Variants in CCDC171 observed in about 807,000 individuals in gnomAD.
CCDC171 encodes the protein coiled-coil domain-containing protein 171.
In CCDC171, 177 loss-of-function variants were observed where a neutral mutation model predicts 168.2. That is an observed-to-expected ratio of 1.05 (90% CI 0.93 to 1.19). CCDC171 has a LOEUF of 1.19. Ranked by LOEUF, CCDC171 falls within the 50% of genes most tolerant of loss-of-function variation. CCDC171 has a pLI of 0.00. For missense variants in CCDC171, 1,991 were observed against 1,539.0 expected (o/e 1.29, Z -4.91); for synonymous variants, 687 against 540.8 (o/e 1.27, Z -3.75).
At chr9:15,628,465 G>A (rs1379456896) in intron 7 of CCDC171, among the ~76,000 whole-genome samples, 4 of 152,200 alleles carry the variant, frequency 2.6e-5, no homozygotes, top group East Asian at 1.9e-4. Context: ...AGGCGGCAGC[G>A]AGGCTAGGGG....
At chr9:15,661,946 G>T (rs1048325017) in intron 8 of CCDC171, among the ~76,000 whole-genome samples, 1 of 152,310 alleles carries the variant, frequency 6.6e-6, no homozygotes, top group East Asian at 1.9e-4. Context: ...AAATCGAGTT[G>T]TATCTACCTA....
intron 3 of CCDC171, among the ~76,000 whole-genome samples, chr9:16,011,054 A>G (rs2132985444): frequency 6.6e-6 from 1 of 152,330 alleles, no homozygotes; most frequent in Non-Finnish European, 1.5e-5. Context: ...GAGTGTATGT[A>G]AAGCAAGAGG....
upstream of CCDC171, among the ~76,000 whole-genome samples, chr9:16,041,148 G>T (rs994882831): frequency 1.3e-5 from 2 of 152,190 alleles, no homozygotes; most frequent in Admixed American, 6.5e-5. Context: ...GCAGCACTAG[G>T]TGAGTAAGCA....
the CCDC171 span, among the ~76,000 whole-genome samples, chr9:16,100,595 TAGTG>T: frequency 1.1e-3 from 164 of 152,344 alleles, no homozygotes; most frequent in African/African-American, 3.8e-3. Context: ...GGATTTTTGT[TAGTG>T]AGAACTGGAA....
chr9:15,893,420 A>T (rs1426033465), intron 24 of CCDC171, among the ~76,000 whole-genome samples: 1 of 152,162 alleles, frequency 6.6e-6, no homozygotes, highest in Non-Finnish European at 1.5e-5. Context: ...GAACTGAAGC[A>T]AAAATTGACA....
At chr9:15,576,654 A>G (rs1479374564) in intron 3 of CCDC171, among the ~76,000 whole-genome samples, 2 of 152,202 alleles carry the variant, frequency 1.3e-5, no homozygotes, top group Non-Finnish European at 2.9e-5. Flanking sequence ...CTAATGTCGA[A>G]TTCAATTTTC....
chr9:15,786,079 A>C (rs1433333816), intron 21 of CCDC171, among the ~76,000 whole-genome samples: 2 of 152,162 alleles, frequency 1.3e-5, no homozygotes, highest in Non-Finnish European at 2.9e-5. Context: ...GGATGGTATT[A>C]GTATTTTAGA....
chr9:15,912,164 A>C (rs1190675588), intron 24 of CCDC171, among the ~76,000 whole-genome samples: 2 of 152,186 alleles, frequency 1.3e-5, no homozygotes, highest in Non-Finnish European at 2.9e-5. Flanking sequence ...CATGGTATTG[A>C]TTCTTCCTAT....
intron 6 of CCDC171, among the ~76,000 whole-genome samples, chr9:16,026,237 C>T (rs1293634906): frequency 1.3e-5 from 2 of 152,104 alleles, no homozygotes; most frequent in African/African-American, 4.8e-5. Flanking sequence ...CACACCAGAG[C>T]CAGGGTCTCA....
intron 3 of CCDC171, among the ~76,000 whole-genome samples, chr9:16,007,258 T>C (rs1832732145): frequency 6.6e-6 from 1 of 152,196 alleles, no homozygotes; most frequent in Non-Finnish European, 1.5e-5. Context: ...TCATATCCTT[T>C]GCCCACTTTT....
downstream of CCDC171, among the ~76,000 whole-genome samples, chr9:16,062,000 A>T (rs1833937627): frequency 6.6e-6 from 1 of 152,144 alleles, no homozygotes; most frequent in Non-Finnish European, 1.5e-5. Flanking sequence ...TTTTAAAAAT[A>T]CCTCACTGCT....
rs1041165506 is a variant in CCDC171, at chr9:15,699,426, C to T, written c.1318+4089C>T. 1.5e-4 allele frequency among the ~76,000 whole-genome samples: 23 copies of T among 152,116 alleles called. 1 individual carries two copies. The highest frequency in any genetic ancestry group is 4.6e-4 in the African/African-American group (19 of 41,392). ...TCCACAGTGTGGAAGGGGACCCGAG[C>T]GGGTTGCCACTGCTGGCTTGGGCAG... On this transcript the variant is annotated intron_variant, in intron 11 of 25. Coordinates refer to ENST00000380701, the MANE Select transcript of CCDC171 (RefSeq NM_173550.4).
intron 24 of CCDC171, among the ~76,000 whole-genome samples, chr9:15,907,184 G>C (rs1428105486): frequency 2.0e-5 from 3 of 152,102 alleles, no homozygotes; most frequent in Non-Finnish European, 2.9e-5. Context: ...AACCAAAAAA[G>C]AGCCCACATT....
intron 21 of CCDC171, among the ~76,000 whole-genome samples, chr9:15,805,744 C>T (rs2135861897): frequency 6.6e-6 from 1 of 152,232 alleles, no homozygotes; most frequent in Admixed American, 6.5e-5. Context: ...GTGAAGAGTT[C>T]TGTGGGCATG....
chr9:15,777,225 A>G (rs1237336062), intron 18 of CCDC171, among the ~76,000 whole-genome samples: 1 of 152,232 alleles, frequency 6.6e-6, no homozygotes, highest in East Asian at 1.9e-4. Context: ...GGCAAATTAT[A>G]TTTTCTTGTC....
In CCDC171 at chr9:15,575,280, C is replaced by T. The variant is rs186093571; in HGVS notation, c.177+3521C>T. Reference sequence around the variant, plus strand: ...CGAACTCCTGGACTCAAGTGATCTCCTACATCAGCCTCCTGAGGAGCTGGG... The same window carrying T: ...CGAACTCCTGGACTCAAGTGATCTCTTACATCAGCCTCCTGAGGAGCTGGG... On this transcript the variant is annotated intron_variant, in intron 3 of 25. Coordinates refer to ENST00000380701, the MANE Select transcript of CCDC171 (RefSeq NM_173550.4). 6.7e-5 allele frequency among the ~76,000 whole-genome samples: 10 copies of T among 150,178 alleles called. No homozygotes were observed. The East Asian group carries it at 2.0e-3, about 30-fold the overall frequency.
Position 15,884,907 on chromosome 9 carries a change from G to A in CCDC171, c.3600+10244G>A, listed in dbSNP as rs1485822060. Among the ~76,000 whole-genome samples, 5 of 152,152 alleles carry A rather than the reference G, an allele frequency of 3.3e-5. No individual in the cohort carries two copies. The East Asian group carries it at 9.6e-4, about 29-fold the overall frequency. On this transcript the variant is annotated intron_variant, in intron 24 of 25. Transcript: ENST00000380701. ...ATATTGAGAAAGGTTTTAGTGTTTT[G>A]ACTTTTGGAGGTTTTTGATTGATGA...
chr9:15,747,397 C>T (rs1020306489), intron 18 of CCDC171, among the ~76,000 whole-genome samples: 10 of 152,266 alleles, frequency 6.6e-5, no homozygotes, highest in South Asian at 6.2e-4. Flanking sequence ...TGTTCAAGCT[C>T]GAATAACGGG....
chr9:15,669,952 T>A (rs2048989572), intron 9 of CCDC171, among the ~76,000 whole-genome samples: 3 of 112,328 alleles, frequency 2.7e-5, no homozygotes, highest in Non-Finnish European at 3.6e-5. Flanking sequence ...GCTGAAGTCT[T>A]AAAAAAAAAA....
Sources: allele counts gnomAD v4.1 joint callset (sites outside exome capture counted in the v4.1 genomes callset), GRCh38; gene constraint gnomAD v4.1.1; transcripts MANE v1.5; gene names NCBI Gene and HGNC (gene_info 2026-07-23, HGNC 2026-07-21).